MMRN1: variants seen among roughly 807,000 people sequenced by gnomAD.
The protein encoded by MMRN1 is multimerin-1.
Under a neutral mutation model 100.7 loss-of-function variants are expected in MMRN1, and 94 were observed. The ratio of observed to expected loss-of-function variants is 0.93; its 90% CI spans 0.79 to 1.11. The LOEUF (loss-of-function observed/expected upper bound fraction) is 1.11, where lower values mean the gene tolerates loss of function less well. MMRN1 is among the 50% of genes least tolerant of loss of function. The probability of loss-of-function intolerance (pLI) is 0.00; values close to 1 mark genes in which losing one functional copy is unlikely to be tolerated. For synonymous variants in MMRN1, 575 were observed against 505.0 expected, an observed-to-expected ratio of 1.14 and a Z score of -1.86; for missense variants, 1,606 against 1,439.1, an observed-to-expected ratio of 1.12 and a Z score of -1.88.
chr4:89,940,677 A>C (rs1722795547), intron 6 of MMRN1, among the ~76,000 whole-genome samples: 2 of 152,178 alleles, frequency 1.3e-5, no homozygotes, highest in African/African-American at 4.8e-5. Flanking sequence ...TTTATAAAAT[A>C]AGAATAACAT....
chr4:89,942,208 C>A (rs570694969), intron 6 of MMRN1, among the ~76,000 whole-genome samples: 1 of 152,164 alleles, frequency 6.6e-6, no homozygotes, highest in Non-Finnish European at 1.5e-5. Context: ...ATCACAGGAG[C>A]TACTTCCCAA....
chr4:89,904,253 A>G (rs1721486454), intron 1 of MMRN1, among the ~76,000 whole-genome samples: 1 of 151,594 alleles, frequency 6.6e-6, no homozygotes, highest in Non-Finnish European at 1.5e-5. Context: ...TTCAGTATGT[A>G]TGTATTTATT....
Position 89,911,961 on chromosome 4 carries a change from A to G in MMRN1, c.761A>G (p.Asn254Ser), listed in dbSNP as rs1721764619. The G allele has an allele frequency of 2.5e-6, 4 of 1,599,366 alleles. No homozygotes were observed. Among genetic ancestry groups the G allele is most frequent in the Admixed American group, 1.7e-5 (1 of 58,876 alleles). The change falls in exon 3 of 8, where the codon AAT (asparagine) becomes AGT (serine). Residue 254 changes from asparagine to serine, a missense_variant. Asn to Ser is a conservative substitution (Grantham distance 46). Transcript: ENST00000264790. ...SCPQRSQKIS[N>S]PVYRMQHKIV... ...CTCTCTAGATCTCAGAAGATATCCA[A>G]TCCTGTCTATAGGATGCAACATAAA...
At chr4:89,939,911 G>A (rs1722770064) in intron 6 of MMRN1, among the ~76,000 whole-genome samples, 1 of 152,066 alleles carries the variant, frequency 6.6e-6, no homozygotes, top group Non-Finnish European at 1.5e-5. Context: ...GGTACTTATT[G>A]AAAGTCACCA....
chr4:89,925,489 A>G (rs1375857085), intron 4 of MMRN1, among the ~76,000 whole-genome samples: 2 of 142,562 alleles, frequency 1.4e-5, no homozygotes, highest in African/African-American at 5.4e-5. Context: ...ACAAATTTTT[A>G]TTTATATTTT....
In MMRN1 at chr4:89,927,896, A is replaced by G. The variant is rs149011826; in HGVS notation, c.1057A>G (p.Arg353Gly). 46 of 1,611,726 alleles carry G rather than the reference A, an allele frequency of 2.9e-5. No individual in the cohort carries two copies. The highest frequency in any genetic ancestry group is 8.0e-5 in the African/African-American group (6 of 74,826). Residue 353 changes from arginine (R) to glycine (G), a missense_variant, in exon 5 of 8, where the codon AGG (arginine) becomes GGG (glycine). Transcript: ENST00000264790. Reference sequence around the variant, plus strand: ...TATTTCTTTGACTGTGAATGATGTAAGGAACACTTACTCCTCCCTAGAAGG... The same window carrying G: ...TATTTCTTTGACTGTGAATGATGTAGGGAACACTTACTCCTCCCTAGAAGG... ...DNISLTVNDV[R>G]NTYSSLEGKV...
chr4:89,926,036 A>G (rs1243379477), intron 4 of MMRN1, among the ~76,000 whole-genome samples: 2 of 152,076 alleles, frequency 1.3e-5, no homozygotes, highest in African/African-American at 2.4e-5. Flanking sequence ...GTTGATGGTC[A>G]TGTATGTTTC....
intron 3 of MMRN1, among the ~76,000 whole-genome samples, chr4:89,915,237 G>T (rs540720390): frequency 6.6e-6 from 1 of 151,514 alleles, no homozygotes; most frequent in Non-Finnish European, 1.5e-5. Flanking sequence ...AGTAGCAAAT[G>T]CTTTCTTCTT....
chr4:89,941,182 G>T (rs1722810236), intron 6 of MMRN1, among the ~76,000 whole-genome samples: 1 of 152,114 alleles, frequency 6.6e-6, no homozygotes, highest in Non-Finnish European at 1.5e-5. Flanking sequence ...AATTTTGAAA[G>T]CTATCTGCTT....
intron 1 of MMRN1, among the ~76,000 whole-genome samples, chr4:89,887,155 G>A (rs768365523): frequency 2.6e-5 from 4 of 152,026 alleles, no homozygotes; most frequent in South Asian, 2.1e-4. Flanking sequence ...AGTTGAAGGC[G>A]ACACAAAAAT....
chr4:89,881,805 C>A (rs938104566), intron 1 of MMRN1, among the ~76,000 whole-genome samples: 1 of 151,932 alleles, frequency 6.6e-6, no homozygotes, highest in African/African-American at 2.4e-5. Context: ...TACCTTTAAA[C>A]TTATAGTTAG....
At chr4:89,945,662 T>C (rs945376195) in intron 6 of MMRN1, among the ~76,000 whole-genome samples, 1 of 152,110 alleles carries the variant, frequency 6.6e-6, no homozygotes, top group Admixed American at 6.5e-5. Flanking sequence ...AAAGGATAAA[T>C]CAGTTCACGA....
rs1722577384 is a variant in MMRN1 at position 89,935,335 on chromosome 4, A to T, written c.1655A>T (p.Asn552Ile). 3.1e-6 allele frequency: 5 copies of T among 1,613,410 alleles called. No individual in the cohort carries two copies. The highest frequency in any genetic ancestry group is 3.4e-6 in the Non-Finnish European group (4 of 1,179,732). ...VTEYMSTLHENIKKQSLMMLQ... is the reference protein window; with the variant it reads ...VTEYMSTLHEIIKKQSLMMLQ... ...GAGTACATGTCTACTTTACATGAAA[A>T]TATAAAGAAGCAGAGTTTGATGATG... The change falls in exon 6 of 8, where the codon AAT (asparagine) becomes ATT (isoleucine). Residue 552 changes from asparagine (N) to isoleucine (I), a missense_variant. Coordinates refer to ENST00000264790, the MANE Select transcript of MMRN1 (RefSeq NM_007351.3).
At chr4:89,926,335 A>C (rs1722258303) in intron 4 of MMRN1, among the ~76,000 whole-genome samples, 1 of 151,976 alleles carries the variant, frequency 6.6e-6, no homozygotes. Flanking sequence ...CTGAGGTGAG[A>C]TGATATCGCA....
At chr4:89,908,169 G>T (rs1721630437) in intron 1 of MMRN1, among the ~76,000 whole-genome samples, 1 of 151,130 alleles carries the variant, frequency 6.6e-6, no homozygotes, top group African/African-American at 2.4e-5. Context: ...TTTGAAAATT[G>T]TTCCCAGGCA....
rs578114327 is a variant in MMRN1, at chr4:89,943,742, C to A, written c.3118+6944C>A. ...CGGTGGCTCACCACTGTAATCCCAA[C>A]ACTTTGGGAGGCTAAGGTGTGCAGA... On this transcript the variant is annotated intron_variant, in intron 6 of 7. Transcript: ENST00000264790. Among the ~76,000 whole-genome samples, 54 of 152,262 alleles carry A rather than the reference C, an allele frequency of 3.5e-4. No homozygotes were observed. In the Middle Eastern group the frequency reaches 0.01, roughly 29 times the overall value.
chr4:89,936,141 CA>C lies in MMRN1; in HGVS notation c.2465del (p.Lys822ArgfsTer13). The part of the protein sequence containing the change: ...RDEKLNQSNF[Q>X]KMYQMFNETT... ...TGAGAAACTAAATCAGTCCAACTTC[CA>C]AAAGATGTATCAAATGTTCAATGAA... On this transcript the variant is annotated frameshift_variant, in exon 6 of 8. Transcript: ENST00000264790. LOFTEE classifies it high-confidence loss of function. 1 of 1,612,320 alleles carries C rather than the reference CA, an allele frequency of 6.2e-7. No individual in the cohort carries two copies. Among genetic ancestry groups the C allele is most frequent in the Non-Finnish European group, 8.5e-7 (1 of 1,179,516 alleles).
At chr4:89,914,710 G>T (rs549373231) in intron 3 of MMRN1, among the ~76,000 whole-genome samples, 1 of 151,482 alleles carries the variant, frequency 6.6e-6, no homozygotes, top group East Asian at 1.9e-4. Flanking sequence ...TTGTGATATG[G>T]TATTCAAGAT....
Position 89,895,589 on chromosome 4 carries a change from A to G in MMRN1, c.618A>G (p.Arg206=). The change falls in exon 1 of 8, where the codon AGA becomes AGG. Residue 206 remains arginine, a synonymous_variant. Coordinates refer to ENST00000264790, the MANE Select transcript of MMRN1 (RefSeq NM_007351.3). The part of the protein sequence containing the change: ...DYQKSNFETT[R]GKNWCAYVHT... The stretch of plus-strand genomic sequence containing the variant: ...AAAAATCAAATTTCGAAACAACTAG[A>G]GGAAAGTAAGAAATCTTCTTTTCTT... 1 of 1,612,294 alleles carries G rather than the reference A, an allele frequency of 6.2e-7. No homozygotes were observed. Among genetic ancestry groups the G allele is most frequent in the Non-Finnish European group, 8.5e-7 (1 of 1,179,150 alleles).
Sources: allele counts gnomAD v4.1 joint callset (sites outside exome capture counted in the v4.1 genomes callset), GRCh38; gene constraint gnomAD v4.1.1; transcripts MANE v1.5; gene names NCBI Gene and HGNC (gene_info 2026-07-23, HGNC 2026-07-21).